NPSR1: variants seen among roughly 807,000 people sequenced by gnomAD.
NPSR1 encodes neuropeptide S receptor.
A neutral mutation model predicts 46.9 loss-of-function variants in NPSR1; 48 were observed. That is an observed-to-expected ratio of 1.02 (90% CI 0.81 to 1.30). NPSR1 has a LOEUF of 1.30. NPSR1 is among the 50% of genes most tolerant of loss of function. The pLI, the probability that NPSR1 is intolerant of heterozygous loss-of-function variation, is 0.00. For synonymous variants in NPSR1, 176 were observed against 168.1 expected, an observed-to-expected ratio of 1.05 and a Z score of -0.36; for missense variants, 450 against 449.5, an observed-to-expected ratio of 1.00 and a Z score of -0.01.
intron 2 of NPSR1, among the ~76,000 whole-genome samples, chr7:34,718,435 C>A (rs1583872421): frequency 6.6e-6 from 1 of 152,274 alleles, no homozygotes; most frequent in East Asian, 1.9e-4. Flanking sequence ...CTTTGCAGAT[C>A]CCCCGAAGGG....
chr7:34,709,549 T>C (rs1783167236), intron 2 of NPSR1, among the ~76,000 whole-genome samples: 1 of 152,182 alleles, frequency 6.6e-6, no homozygotes, highest in Non-Finnish European at 1.5e-5. Flanking sequence ...ACCTGATGAA[T>C]AGAGCCCACC....
intron 2 of NPSR1, among the ~76,000 whole-genome samples, chr7:34,715,181 T>G (rs186065602): frequency 1.3e-5 from 2 of 152,320 alleles, no homozygotes; most frequent in East Asian, 3.9e-4. Context: ...TAATTTAGGT[T>G]GCTTGAAAGG....
intron 3 of NPSR1, among the ~76,000 whole-genome samples, chr7:34,797,412 C>T (rs1407286052): frequency 6.6e-6 from 1 of 152,146 alleles, no homozygotes; most frequent in Non-Finnish European, 1.5e-5. Context: ...GTGAGTGAGG[C>T]TCTGTGTATG....
intron 1 of NPSR1, among the ~76,000 whole-genome samples, chr7:34,663,988 G>T (rs1450166907): frequency 6.6e-6 from 1 of 152,206 alleles, no homozygotes; most frequent in Non-Finnish European, 1.5e-5. Context: ...ATCCATTCAT[G>T]CTTGACAATG....
intron 2 of NPSR1, among the ~76,000 whole-genome samples, chr7:34,736,799 G>GTC (rs1034975676): frequency 2.0e-5 from 3 of 151,862 alleles, no homozygotes; most frequent in African/African-American, 7.3e-5. Flanking sequence ...TAGACATAAG[G>GTC]TCTCTCTCTC....
chr7:34,849,344 G>A (rs908708079), intron 8 of NPSR1: 2 of 1,551,040 alleles, frequency 1.3e-6, no homozygotes, highest in Non-Finnish European at 1.7e-6. Flanking sequence ...GTGTCTACCT[G>A]TTGGCCTGTG....
intron 2 of NPSR1, among the ~76,000 whole-genome samples, chr7:34,748,875 T>TCCC (rs34334715): frequency 1.3e-5 from 2 of 151,990 alleles, no homozygotes; most frequent in Non-Finnish European, 2.9e-5. Flanking sequence ...GCATTCATCT[T>TCCC]CCCCCCAGTA....
intron 3 of NPSR1, among the ~76,000 whole-genome samples, chr7:34,786,425 T>C (rs1333300402): frequency 6.6e-6 from 1 of 152,176 alleles, no homozygotes; most frequent in Non-Finnish European, 1.5e-5. Context: ...CAGTGAAATC[T>C]TGAACCCATC....
rs943115082 is a variant in NPSR1, at chr7:34,774,846, G to A, written c.281-3616G>A. On this transcript the variant is annotated intron_variant, in intron 2 of 8. Coordinates refer to ENST00000360581, the MANE Select transcript of NPSR1 (RefSeq NM_207172.2). ...GAGACTTCTATGTAGTTCAGTATATGGGACCAAAAATATTCCTAGATGTGG... is the reference window on the plus strand; with the variant it reads ...GAGACTTCTATGTAGTTCAGTATATAGGACCAAAAATATTCCTAGATGTGG... Among the ~76,000 whole-genome samples the A allele has an allele frequency of 1.5e-4, 23 of 152,136 alleles. 1 individual carries two copies.
At chr7:34,683,969 A>G (rs2128683912) in intron 1 of NPSR1, among the ~76,000 whole-genome samples, 1 of 152,318 alleles carries the variant, frequency 6.6e-6, no homozygotes. Flanking sequence ...ATAACCCATA[A>G]TTACACCCTA....
chr7:34,864,733 T>C (rs1791269797), intron 8 of NPSR1, among the ~76,000 whole-genome samples: 1 of 151,792 alleles, frequency 6.6e-6, no homozygotes, highest in Non-Finnish European at 1.5e-5. Context: ...GATTATAAAA[T>C]AAAACAAAGA....
chr7:34,713,290 G>T (rs182623802), intron 2 of NPSR1, among the ~76,000 whole-genome samples: 1 of 152,206 alleles, frequency 6.6e-6, no homozygotes, highest in East Asian at 1.9e-4. Context: ...CCTCTTTTAG[G>T]AGTCAGTATA....
At chr7:34,660,851 C>T (rs1320667082) in intron 1 of NPSR1, among the ~76,000 whole-genome samples, 1 of 81,672 alleles carries the variant, frequency 1.2e-5, no homozygotes, top group African/African-American at 1.0e-4. Context: ...CTCCTTGACT[C>T]ATCCCTCCCT....
intron 3 of NPSR1, among the ~76,000 whole-genome samples, chr7:34,790,917 C>G (rs1422116505): frequency 1.6e-5 from 2 of 125,154 alleles, no homozygotes; most frequent in Non-Finnish European, 3.2e-5. Context: ...TATTATATAT[C>G]ATATATGTTA....
At chr7:34,722,562 G>A (rs34777581) in intron 2 of NPSR1, among the ~76,000 whole-genome samples, 116 of 152,298 alleles carry the variant, frequency 7.6e-4, no homozygotes, top group African/African-American at 2.7e-3. Flanking sequence ...ATTTAAACAA[G>A]GCTATGGTAT....
intron 2 of NPSR1, among the ~76,000 whole-genome samples, chr7:34,745,190 C>G (rs1785142521): frequency 6.6e-6 from 1 of 152,154 alleles, no homozygotes; most frequent in Non-Finnish European, 1.5e-5. Flanking sequence ...TTCACATTCT[C>G]TTTATTATCT....
chr7:34,802,911 A>T (rs1022038466), intron 3 of NPSR1, among the ~76,000 whole-genome samples: 2 of 150,466 alleles, frequency 1.3e-5, no homozygotes, highest in Admixed American at 6.6e-5. Context: ...GCGAAGGACA[A>T]GAACAGACAC....
chr7:34,766,304 T>C (rs2529495), intron 2 of NPSR1, among the ~76,000 whole-genome samples: 84,046 of 151,880 alleles, frequency 0.55, 23,683 homozygotes, highest in African/African-American at 0.63. Flanking sequence ...TTTTATGAAG[T>C]TAAACATATA....
At chr7:34,865,194 G>C (rs2040854) in intron 8 of NPSR1, among the ~76,000 whole-genome samples, 35,105 of 151,642 alleles carry the variant, frequency 0.23, 4,553 homozygotes, top group South Asian at 0.47. Context: ...ATTGAACGGT[G>C]ATATAAGTGA....
Sources: allele counts gnomAD v4.1 joint callset (sites outside exome capture counted in the v4.1 genomes callset), GRCh38; gene constraint gnomAD v4.1.1; transcripts MANE v1.5; gene names NCBI Gene and HGNC (gene_info 2026-07-23, HGNC 2026-07-21).